Variants in PSME4 observed in about 807,000 individuals in gnomAD.
PSME4 encodes the protein proteasome activator subunit 4.
A neutral mutation model predicts 253.9 loss-of-function variants in PSME4; 89 were observed. The observed-to-expected ratio is 0.35, with a 90% CI of 0.30 to 0.42. The LOEUF is 0.42. PSME4 is among the 10% of genes least tolerant of loss of function. The pLI is 1.00. For missense variants in PSME4, 2,014 were observed against 2,195.2 expected (o/e 0.92, Z 1.65); for synonymous variants, 851 against 759.2 (o/e 1.12, Z -1.99).
chr2:53,901,554 G>A lies in PSME4; in HGVS notation c.3081C>T (p.Ala1027=). The part of the protein sequence containing the change: ...QGVTQQQFKG[A]LYCLLGNHSG... ...TGTGATTTCCAAGGAGACAGTACAA[G>A]GCACCCTGCAGAAAAAAAAATATAT... Residue 1027 remains alanine (A), a synonymous_variant, in exon 28 of 47, where the codon GCC becomes GCT. Coordinates refer to ENST00000404125, the MANE Select transcript of PSME4 (RefSeq NM_014614.3). The A allele has an allele frequency of 6.2e-7, 1 of 1,602,862 alleles. No individual in the cohort carries two copies. Among genetic ancestry groups the A allele is most frequent in the Non-Finnish European group, 8.5e-7 (1 of 1,172,134 alleles).
At chr2:53,867,846 T>A (rs1678646835) in intron 44 of PSME4, among the ~76,000 whole-genome samples, 1 of 152,026 alleles carries the variant, frequency 6.6e-6, no homozygotes, top group East Asian at 1.9e-4. Context: ...AATTCATTAG[T>A]AAACACATCA....
At chr2:53,962,940 G>T (rs1670553912) in intron 1 of PSME4, among the ~76,000 whole-genome samples, 1 of 151,706 alleles carries the variant, frequency 6.6e-6, no homozygotes, top group Admixed American at 6.6e-5. Context: ...AACCCAGGAA[G>T]TGGAGGCTGC....
chr2:53,944,726 CCAAA>C (rs993496547), intron 3 of PSME4, among the ~76,000 whole-genome samples: 1 of 152,016 alleles, frequency 6.6e-6, no homozygotes, highest in Admixed American at 6.6e-5. Flanking sequence ...CCAAGAAACC[CCAAA>C]CAGAGGTCTG....
At chr2:53,872,557 A>G (rs1335189896) in intron 43 of PSME4, among the ~76,000 whole-genome samples, 2 of 151,862 alleles carry the variant, frequency 1.3e-5, no homozygotes, top group East Asian at 3.9e-4. Flanking sequence ...CCTGGGCAGT[A>G]TGGCAAAACC....
At chr2:53,879,437 A>G (rs1292480510) in intron 41 of PSME4, among the ~76,000 whole-genome samples, 1 of 152,220 alleles carries the variant, frequency 6.6e-6, no homozygotes, top group East Asian at 1.9e-4. Context: ...CTCACTGTTT[A>G]TCTGGCTGGC....
intron 41 of PSME4, among the ~76,000 whole-genome samples, chr2:53,877,595 A>G (rs1041107605): frequency 2.6e-5 from 4 of 152,182 alleles, no homozygotes; most frequent in African/African-American, 9.6e-5. Context: ...TCCTAAACCT[A>G]CTTAACGGGA....
Position 53,970,830 on chromosome 2 carries a change from C to G in PSME4, c.-46G>C, listed in dbSNP as rs1410301279. On this transcript the variant is annotated 5_prime_UTR_variant, in exon 1 of 47. Transcript: ENST00000404125. The stretch of plus-strand genomic sequence containing the variant: ...CACCCCCTCCCACCCGAACCCTCCC[C>G]GGCCCCCACCCCTCTCCGGGCTCCG... 1.1e-5 allele frequency: 16 copies of G among 1,403,338 alleles called. No individual in the cohort carries two copies. The highest frequency in any genetic ancestry group is 8.4e-6 in the Non-Finnish European group (9 of 1,066,254). The allele number at this position is 1,403,338 out of a possible 1,614,324, so 86.9% of individuals were successfully genotyped here.
chr2:53,900,338 T>C (rs1475005931), intron 28 of PSME4, among the ~76,000 whole-genome samples: 2 of 151,456 alleles, frequency 1.3e-5, no homozygotes, highest in Non-Finnish European at 2.9e-5. Context: ...GTGAGGGGAC[T>C]GCTTGAGGCC....
chr2:53,970,472 G>A, intron 1 of PSME4, 71 bp downstream of exon 1: 1 of 1,543,836 alleles, frequency 6.5e-7, no homozygotes, highest in Non-Finnish European at 8.7e-7. Flanking sequence ...TCTGGACAAA[G>A]AGCAACCATC....
intron 12 of PSME4, among the ~76,000 whole-genome samples, chr2:53,926,792 A>T (rs1371493517): frequency 6.6e-6 from 1 of 151,402 alleles, no homozygotes; most frequent in African/African-American, 2.4e-5. Context: ...GGCCAACATG[A>T]TGAAACCCCA....
At chr2:53,932,518 C>A (rs996281227) in intron 9 of PSME4, 150 bp downstream of exon 9, 3 of 668,290 alleles carry the variant, frequency 4.5e-6, no homozygotes, top group Middle Eastern at 3.4e-4. Context: ...TGCTCTCCCA[C>A]ACAGTAATTT....
chr2:53,898,633 GCACA>G (rs199900623), intron 29 of PSME4, among the ~76,000 whole-genome samples: 9,999 of 142,302 alleles, frequency 0.07, 565 homozygotes, highest in East Asian at 0.27. Context: ...ATTGGGAGTG[GCACA>G]CACACACACA....
At chr2:53,946,726 T>C (rs1669726995) in intron 3 of PSME4, among the ~76,000 whole-genome samples, 1 of 152,136 alleles carries the variant, frequency 6.6e-6, no homozygotes, top group Non-Finnish European at 1.5e-5. Flanking sequence ...TGAGACCCTG[T>C]GTAGAGACCC....
chr2:53,929,895 G>A (rs951314589), intron 10 of PSME4, among the ~76,000 whole-genome samples: 6 of 151,968 alleles, frequency 3.9e-5, no homozygotes, highest in African/African-American at 1.5e-4. Context: ...GCAGACACCT[G>A]TAATCCCAGC....
intron 27 of PSME4, among the ~76,000 whole-genome samples, chr2:53,903,774 C>T (rs560320131): frequency 1.3e-5 from 2 of 152,176 alleles, no homozygotes; most frequent in South Asian, 4.2e-4. Flanking sequence ...AGGTAAATAA[C>T]TAAATAATGA....
chr2:53,920,477 A>C (rs1464809827), intron 18 of PSME4, 127 bp from the exon 19 acceptor site: 6 of 931,216 alleles, frequency 6.4e-6, no homozygotes, highest in Non-Finnish European at 9.3e-6. Context: ...TAAGGTAGCA[A>C]ATGATATACA....
intron 6 of PSME4, 62 bp from the exon 7 acceptor site, chr2:53,936,223 C>G (rs1182470723): frequency 1.3e-6 from 2 of 1,599,002 alleles, no homozygotes; most frequent in Admixed American, 3.4e-5. Flanking sequence ...GTGTCATAGT[C>G]ACACCCCTCC....
intron 3 of PSME4, among the ~76,000 whole-genome samples, chr2:53,941,566 T>C (rs1669456798): frequency 1.3e-5 from 2 of 152,180 alleles, no homozygotes; most frequent in Admixed American, 1.3e-4. Context: ...TTTATACTTA[T>C]CTGTCTATTG....
intron 41 of PSME4, among the ~76,000 whole-genome samples, chr2:53,879,344 G>A (rs746103606): frequency 1.8e-4 from 27 of 152,076 alleles, no homozygotes; most frequent in Admixed American, 3.9e-4. Context: ...ATATCCTATC[G>A]TATGAATCAT....
Sources: gnomAD v4.1 joint callset for allele counts (sites outside exome capture counted in the v4.1 genomes callset) on GRCh38, gnomAD v4.1.1 for gene constraint, MANE v1.5 for transcripts, NCBI Gene and HGNC (gene_info 2026-07-23, HGNC 2026-07-21) for gene names.